Variants in COPG2 observed in about 807,000 individuals in gnomAD.
COPG2 encodes the protein coatomer subunit gamma-2.
COPG2 carries 37 observed loss-of-function variants against 46.3 expected under a neutral mutation model. That is an observed-to-expected ratio of 0.80 (90% CI 0.61 to 1.05). The LOEUF (loss-of-function observed/expected upper bound fraction) is 1.05, where lower values mean the gene tolerates loss of function less well. Among genes scored for constraint, COPG2 ranks in the 50% least tolerant of loss-of-function variants. The pLI, the probability that COPG2 is intolerant of heterozygous loss-of-function variation, is 0.00. For missense variants in COPG2, 427 were observed against 387.8 expected, an observed-to-expected ratio of 1.10 and a Z score of -0.85; for synonymous variants, 159 against 129.7, an observed-to-expected ratio of 1.23 and a Z score of -1.53.
At chr7:130,594,851 AAGAC>A (rs1459110580) in intron 9 of COPG2, among the ~76,000 whole-genome samples, 6 of 152,202 alleles carry the variant, frequency 3.9e-5, no homozygotes, top group Non-Finnish European at 7.3e-5. Flanking sequence ...TATAATAAAA[AAGAC>A]AGACAATGAC....
chr7:130,649,469 C>A (rs1207523113), intron 5 of COPG2, among the ~76,000 whole-genome samples: 1 of 152,192 alleles, frequency 6.6e-6, no homozygotes, highest in Non-Finnish European at 1.5e-5. Flanking sequence ...GAAATCTCTT[C>A]AGTTAAACAT....
At chr7:130,567,570 A>T (rs1483764011) in intron 9 of COPG2, among the ~76,000 whole-genome samples, 1 of 152,212 alleles carries the variant, frequency 6.6e-6, no homozygotes, top group African/African-American at 2.4e-5. Context: ...CACAAGCATC[A>T]GGTAAGCTAT....
chr7:130,539,689 C>G (rs1011551462), intron 20 of COPG2, among the ~76,000 whole-genome samples: 1 of 151,994 alleles, frequency 6.6e-6, no homozygotes, highest in Non-Finnish European at 1.5e-5. Flanking sequence ...GGAAGTGGGA[C>G]GATGAGGCAG....
At chr7:130,541,694 G>C (rs1212510544) in intron 20 of COPG2, among the ~76,000 whole-genome samples, 1 of 151,376 alleles carries the variant, frequency 6.6e-6, no homozygotes, top group Non-Finnish European at 1.5e-5. Context: ...CAGGGTTGTG[G>C]GGCCCTGGAA....
Position 130,617,071 on chromosome 7 carries a change from A to G in COPG2, c.324-6T>C, listed in dbSNP as rs1554453024. ...CAGTCATGTCTTTAGTCAGACTAAG[A>G]AAAATCAAATTGGTTAACATAAGAT... On this transcript the variant is annotated splice_polypyrimidine_tract_variant and splice_region_variant and intron_variant, in intron 5 of 23. Coordinates refer to ENST00000425248, the MANE Select transcript of COPG2 (RefSeq NM_012133.6). 2 of 1,598,434 alleles carry G rather than the reference A, an allele frequency of 1.3e-6. No homozygotes were observed. Among genetic ancestry groups the G allele is most frequent in the East Asian group, 2.2e-5 (1 of 44,654 alleles).
chr7:130,515,472 C>T lies in COPG2; in HGVS notation c.2150-6813G>A, dbSNP rs972964314. 1.6e-4 allele frequency among the ~76,000 whole-genome samples: 24 copies of T among 152,292 alleles called. No homozygotes were observed. The South Asian group carries it at 4.6e-3, about 29-fold the overall frequency. On this transcript the variant is annotated intron_variant, in intron 20 of 23. Transcript: ENST00000425248. ...AGTCACCTCCCACTAGGCCCTACCTCCAACACTGGGGATGACAGTTCGACA... is the reference window on the plus strand; with the variant it reads ...AGTCACCTCCCACTAGGCCCTACCTTCAACACTGGGGATGACAGTTCGACA...
At chr7:130,620,967 G>A (rs1795029339) in intron 5 of COPG2, among the ~76,000 whole-genome samples, 1 of 152,176 alleles carries the variant, frequency 6.6e-6, no homozygotes, top group South Asian at 2.1e-4. Flanking sequence ...AAGGTACTTT[G>A]CAGATGTGAT....
Position 130,663,024 on chromosome 7 carries a change from T to C in COPG2, c.186A>G (p.Gly62=). The change falls in exon 4 of 24, where the codon GGA becomes GGG. Residue 62 remains glycine, a synonymous_variant. Transcript: ENST00000425248. ...AGAAGGCTTCTGTAGCTTCCGTTGT[T>C]CCAAAGTGTTCACCCTAAGTAAAAT... ...LYLLNQGEHF[G]TTEATEAFFA... 1.3e-6 allele frequency: 2 copies of C among 1,540,628 alleles called. No homozygotes were observed. Among genetic ancestry groups the C allele is most frequent in the Non-Finnish European group, 8.7e-7 (1 of 1,144,490 alleles).
chr7:130,513,308 A>AATAT (rs1197540092), intron 20 of COPG2, among the ~76,000 whole-genome samples: 767 of 55,536 alleles, frequency 0.014, 31 homozygotes, highest in African/African-American at 0.025. Context: ...AAAAAAAAAA[A>AATAT]ATATATATAT....
chr7:130,566,873 A>G (rs938072114), intron 9 of COPG2, among the ~76,000 whole-genome samples: 22,235 of 152,112 alleles, frequency 0.15, 2,970 homozygotes, highest in African/African-American at 0.36. Flanking sequence ...ATCAAGGTCT[A>G]TGAAATGACA....
At position 130,510,269 on chromosome 7, in the gene COPG2, A is replaced by G. The variant is rs545354403; in HGVS notation, c.2150-1610T>C. ...TTCCCATATAGGAAAGAATGAACCT[A>G]TCAAGCCTGCAGAATCAATTTCAAT... On this transcript the variant is annotated intron_variant, in intron 20 of 23. Coordinates refer to ENST00000425248, the MANE Select transcript of COPG2 (RefSeq NM_012133.6). 1.3e-4 allele frequency: 69 copies of G among 518,424 alleles called. 1 individual carries two copies. Among genetic ancestry groups the G allele is most frequent in the South Asian group, 9.4e-4 (67 of 71,074 alleles). The allele number at this position is 518,424 out of a possible 1,614,324, so 32.1% of individuals were successfully genotyped here.
chr7:130,567,361 T>C (rs1372064265), intron 9 of COPG2, among the ~76,000 whole-genome samples: 1 of 152,146 alleles, frequency 6.6e-6, no homozygotes, highest in Non-Finnish European at 1.5e-5. Flanking sequence ...AGGAAGAAGA[T>C]AAATCTAAAA....
intron 9 of COPG2, among the ~76,000 whole-genome samples, chr7:130,583,985 C>G (rs1266690901): frequency 6.6e-6 from 1 of 151,578 alleles, no homozygotes; most frequent in African/African-American, 2.4e-5. Context: ...GCCCTAATAC[C>G]AAAACCATGA....
chr7:130,620,720 TGATTA>T (rs1462478290), intron 5 of COPG2, among the ~76,000 whole-genome samples: 1 of 152,186 alleles, frequency 6.6e-6, no homozygotes, highest in Non-Finnish European at 1.5e-5. Context: ...TGGAGTTAGA[TGATTA>T]GATTATGAGA....
At chr7:130,635,648 A>C (rs1039751708) in intron 5 of COPG2, among the ~76,000 whole-genome samples, 7 of 152,278 alleles carry the variant, frequency 4.6e-5, no homozygotes, top group African/African-American at 1.7e-4. Context: ...TCTTTTCAAA[A>C]AACCAGCTCC....
At chr7:130,551,474 C>G (rs1286020902) in intron 15 of COPG2, 130 bp from the exon 16 acceptor site, 2 of 390,682 alleles carry the variant, frequency 5.1e-6, no homozygotes, top group Non-Finnish European at 4.5e-6. Context: ...CAACAATAGC[C>G]AACAGTGGCT....
At chr7:130,601,653 C>T (rs782184833) in intron 9 of COPG2, among the ~76,000 whole-genome samples, 5 of 152,096 alleles carry the variant, frequency 3.3e-5, no homozygotes, top group African/African-American at 4.8e-5. Context: ...CATCACACAC[C>T]GGGGCCTGTC....
chr7:130,589,170 A>G (rs1794349121), intron 9 of COPG2, among the ~76,000 whole-genome samples: 1 of 152,208 alleles, frequency 6.6e-6, no homozygotes, highest in Non-Finnish European at 1.5e-5. Flanking sequence ...ATTACAAGTA[A>G]TACTGGAATT....
chr7:130,637,129 G>A (rs560924118), intron 5 of COPG2, among the ~76,000 whole-genome samples: 57 of 152,284 alleles, frequency 3.7e-4, no homozygotes, highest in Middle Eastern at 3.4e-3. Context: ...TGAGTAACCC[G>A]ACCTTTCTCT....
Sources: allele counts gnomAD v4.1 joint callset (sites outside exome capture counted in the v4.1 genomes callset), GRCh38; gene constraint gnomAD v4.1.1; transcripts MANE v1.5; gene names NCBI Gene and HGNC (gene_info 2026-07-23, HGNC 2026-07-21).